USP34: variants seen among roughly 807,000 people sequenced by gnomAD.
USP34 encodes ubiquitin specific peptidase 34.
USP34 carries 70 observed loss-of-function variants against 460.3 expected under a neutral mutation model. The ratio of observed to expected loss-of-function variants is 0.15; its 90% CI spans 0.13 to 0.19. The LOEUF is 0.19. USP34 is among the 10% of genes least tolerant of loss of function. The pLI is 1.00. For missense variants in USP34, 3,985 were observed against 4,236.2 expected, an observed-to-expected ratio of 0.94 and a Z score of 1.65; for synonymous variants, 1,647 against 1,405.3, an observed-to-expected ratio of 1.17 and a Z score of -3.85.
In USP34 at chr2:61,311,522, T is replaced by C. The variant is rs1192034784; in HGVS notation, c.3817+18A>G. 1.7e-6 allele frequency: 2 copies of C among 1,197,540 alleles called. No homozygotes were observed. Among genetic ancestry groups the C allele is most frequent in the East Asian group, 2.9e-5 (1 of 34,040 alleles). The allele number at this position is 1,197,540 out of a possible 1,614,324, so 74.2% of individuals were successfully genotyped here. A position where few individuals can be genotyped will look rare whatever the true frequency, so the allele number is the denominator to read the frequency against. Reference sequence around the variant, plus strand: ...AAAGAGAGAAAGAGAAAGAGAAAATTTGAATTGAAAGGCTTACCAGGAAAC... The same window carrying C: ...AAAGAGAGAAAGAGAAAGAGAAAATCTGAATTGAAAGGCTTACCAGGAAAC... On this transcript the variant is annotated intron_variant, in intron 27 of 79. Coordinates refer to ENST00000398571, the MANE Select transcript of USP34 (RefSeq NM_014709.4).
chr2:61,452,376 G>C (rs549896074), intron 1 of USP34, among the ~76,000 whole-genome samples: 1 of 136,108 alleles, frequency 7.3e-6, no homozygotes. Context: ...CCAGGCTAGA[G>C]TGTAGTGGCG....
intron 27 of USP34, among the ~76,000 whole-genome samples, chr2:61,304,695 G>A (rs930121202): frequency 6.6e-6 from 1 of 152,230 alleles, no homozygotes; most frequent in Non-Finnish European, 1.5e-5. Context: ...TCCAGACCAT[G>A]AGAAATAAAT....
chr2:61,379,730 T>C (rs1008402413), intron 7 of USP34, among the ~76,000 whole-genome samples: 3 of 152,248 alleles, frequency 2.0e-5, no homozygotes, highest in African/African-American at 7.2e-5. Context: ...CAGATTTTCA[T>C]GTTACTTTGT....
At chr2:61,245,173 G>T in intron 51 of USP34, 37 bp downstream of exon 51, 1 of 1,524,300 alleles carries the variant, frequency 6.6e-7, no homozygotes, top group South Asian at 1.2e-5. Flanking sequence ...GCACTTGGAA[G>T]GACACAAACC....
intron 30 of USP34, among the ~76,000 whole-genome samples, chr2:61,295,847 CAT>C (rs1690010098): frequency 6.6e-6 from 1 of 152,202 alleles, no homozygotes. Context: ...CCCAAAATCA[CAT>C]GATAATGTTC....
At chr2:61,202,917 T>G (rs974033208) in intron 75 of USP34, among the ~76,000 whole-genome samples, 4 of 152,066 alleles carry the variant, frequency 2.6e-5, no homozygotes, top group Admixed American at 1.3e-4. Flanking sequence ...TACTCCACAC[T>G]CCTTTATAGG....
intron 2 of USP34, among the ~76,000 whole-genome samples, chr2:61,417,703 T>C (rs1371047326): frequency 6.7e-6 from 1 of 149,250 alleles, no homozygotes; most frequent in Non-Finnish European, 1.5e-5. Context: ...AAAATATATA[T>C]ATAAAATACT....
At chr2:61,399,306 G>A (rs1254068241) in intron 3 of USP34, among the ~76,000 whole-genome samples, 4 of 147,124 alleles carry the variant, frequency 2.7e-5, no homozygotes, top group Non-Finnish European at 5.9e-5. Flanking sequence ...TCATGCCACC[G>A]CACTCCAGCC....
At chr2:61,299,082 AATG>A (rs1690138718) in intron 29 of USP34, among the ~76,000 whole-genome samples, 1 of 152,062 alleles carries the variant, frequency 6.6e-6, no homozygotes, top group African/African-American at 2.4e-5. Context: ...GGCACCTATT[AATG>A]ATTATTCTGC....
At chr2:61,220,583 G>T in intron 66 of USP34, 126 bp from the exon 67 acceptor site, 1 of 910,768 alleles carries the variant, frequency 1.1e-6, no homozygotes, top group Non-Finnish European at 1.5e-6. Flanking sequence ...GATTAAAAAG[G>T]TTTCACCCTA....
At chr2:61,453,244 G>A (rs953261193) in intron 1 of USP34, among the ~76,000 whole-genome samples, 4 of 151,236 alleles carry the variant, frequency 2.6e-5, no homozygotes, top group Non-Finnish European at 5.9e-5. Flanking sequence ...AACCCCATCT[G>A]TACTAAAAAT....
intron 5 of USP34, among the ~76,000 whole-genome samples, chr2:61,385,078 T>C (rs1204878857): frequency 1.3e-5 from 2 of 152,146 alleles, no homozygotes; most frequent in African/African-American, 2.4e-5. Flanking sequence ...ACCCTATATA[T>C]GTTCTTTTCT....
chr2:61,281,664 C>G (rs1689538321), intron 37 of USP34, among the ~76,000 whole-genome samples: 1 of 152,086 alleles, frequency 6.6e-6, no homozygotes, highest in African/African-American at 2.4e-5. Flanking sequence ...ATGTAAATTA[C>G]ACATGATCAA....
intron 1 of USP34, among the ~76,000 whole-genome samples, chr2:61,460,251 A>G (rs1487829637): frequency 6.6e-6 from 1 of 152,168 alleles, no homozygotes; most frequent in Non-Finnish European, 1.5e-5. Context: ...ACAATTCATA[A>G]GTTTTAAATT....
In USP34 at chr2:61,311,684, T is replaced by C; in HGVS notation, c.3673A>G (p.Thr1225Ala). The C allele has an allele frequency of 6.2e-7, 1 of 1,610,104 alleles. No homozygotes were observed. Among genetic ancestry groups the C allele is most frequent in the Non-Finnish European group, 8.5e-7 (1 of 1,178,566 alleles). ...TGGTCACTAGGATACATTTCAATAGTCATCTGAAATATGAGATGCAACCAA... is the reference window on the plus strand; with the variant it reads ...TGGTCACTAGGATACATTTCAATAGCCATCTGAAATATGAGATGCAACCAA... Reference protein sequence around the residue: ...CQPAGLPDKMTIEMYPSDQVA... With the variant: ...CQPAGLPDKMAIEMYPSDQVA... Residue 1225 changes from threonine to alanine, a missense_variant, in exon 27 of 80, where the codon ACT becomes GCT. Physicochemically the swap from Thr to Ala is moderately conservative, Grantham distance 58. Coordinates refer to ENST00000398571, the MANE Select transcript of USP34 (RefSeq NM_014709.4).
chr2:61,439,256 T>A (rs1363085417), intron 1 of USP34, among the ~76,000 whole-genome samples: 1 of 152,114 alleles, frequency 6.6e-6, no homozygotes, highest in African/African-American at 2.4e-5. Context: ...TACAAAAAAT[T>A]AGCCAGGTTA....
chr2:61,425,439 G>C (rs982388307), intron 1 of USP34, among the ~76,000 whole-genome samples: 2 of 152,088 alleles, frequency 1.3e-5, no homozygotes, highest in African/African-American at 2.4e-5. Flanking sequence ...AGAGCCTCTC[G>C]GTGCTGAGGG....
chr2:61,467,334 A>T (rs916006288), intron 1 of USP34, among the ~76,000 whole-genome samples: 21 of 152,022 alleles, frequency 1.4e-4, no homozygotes, highest in Non-Finnish European at 2.2e-4. Context: ...ATAATAATAA[A>T]AAAAGCAGTC....
intron 2 of USP34, among the ~76,000 whole-genome samples, chr2:61,410,916 A>C (rs1251049090): frequency 6.6e-6 from 1 of 152,198 alleles, no homozygotes; most frequent in African/African-American, 2.4e-5. Flanking sequence ...ATATCTCTAA[A>C]GGCAGGGATG....
Sources: gnomAD v4.1 joint callset for allele counts (sites outside exome capture counted in the v4.1 genomes callset) on GRCh38, gnomAD v4.1.1 for gene constraint, MANE v1.5 for transcripts, NCBI Gene and HGNC (gene_info 2026-07-23, HGNC 2026-07-21) for gene names.